The following DCDC2C variants were observed in gnomAD, a reference collection of about 807,000 sequenced individuals.
The protein encoded by DCDC2C is doublecortin domain-containing protein 2C.
A neutral mutation model predicts 45.0 loss-of-function variants in DCDC2C; 44 were observed. The ratio of observed to expected loss-of-function variants is 0.98; its 90% CI spans 0.77 to 1.26. The LOEUF (loss-of-function observed/expected upper bound fraction) is 1.26. DCDC2C is among the 50% of genes most tolerant of loss of function. The pLI, the probability that DCDC2C is intolerant of heterozygous loss-of-function variation, is 0.00. For synonymous variants in DCDC2C, 187 were observed against 178.8 expected, an observed-to-expected ratio of 1.05 and a Z score of -0.37; for missense variants, 447 against 468.9, an observed-to-expected ratio of 0.95 and a Z score of 0.43.
chr2:3,775,912 G>A (rs1670317101), intron 8 of DCDC2C, among the ~76,000 whole-genome samples: 1 of 116,738 alleles, frequency 8.6e-6, no homozygotes, highest in Non-Finnish European at 1.9e-5. Context: ...GTGGCTGTGG[G>A]CTAGGCAGCT....
chr2:3,776,109 G>C (rs1670324591), intron 8 of DCDC2C, among the ~76,000 whole-genome samples: 1 of 152,178 alleles, frequency 6.6e-6, no homozygotes, highest in African/African-American at 2.4e-5. Flanking sequence ...CCAGATGCTG[G>C]ATCCTTTCCC....
At chr2:3,796,991 TCTGGTC>T (rs1240441966) in intron 10 of DCDC2C, among the ~76,000 whole-genome samples, 1 of 152,206 alleles carries the variant, frequency 6.6e-6, no homozygotes, top group Admixed American at 6.5e-5. Flanking sequence ...TATGAATCCG[TCTGGTC>T]CTGGACTCTT....
Position 3,778,893 on chromosome 2 carries a change from A to G in DCDC2C, c.1023+9A>G. ...ATTTTGAGGGCAACAAGGTGAGTTC[A>G]TTTTATTTTGTGTTTAATGGCTTGG... On this transcript the variant is annotated intron_variant, in intron 9 of 10. Coordinates refer to ENST00000399143, the MANE Select transcript of DCDC2C (RefSeq NM_001287444.2). The G allele has an allele frequency of 6.4e-7, 1 of 1,550,502 alleles. No individual in the cohort carries two copies. The highest frequency in any genetic ancestry group is 8.7e-7 in the Non-Finnish European group (1 of 1,146,758).
At chr2:3,781,508 G>A (rs17018014) in intron 9 of DCDC2C, among the ~76,000 whole-genome samples, 38,039 of 152,084 alleles carry the variant, frequency 0.25, 5,222 homozygotes, top group East Asian at 0.58. Flanking sequence ...TGTAATCCTG[G>A]AGTAAAATGC....
chr2:3,785,822 T>C (rs980290061), intron 10 of DCDC2C, among the ~76,000 whole-genome samples: 2 of 152,094 alleles, frequency 1.3e-5, no homozygotes, highest in Non-Finnish European at 2.9e-5. Flanking sequence ...GTGATGACAC[T>C]TGGGGAGGTT....
In DCDC2C at chr2:3,748,439, CT is replaced by C. The variant is rs1330709978; in HGVS notation, c.546-4322del. On this transcript the variant is annotated intron_variant, in intron 4 of 10. Transcript: ENST00000399143. ...GGAGAAAGAGAGGAAGACTCCCAGC[CT>C]TCTGATCAGAGCAGCTGGGTGACTG... Among the ~76,000 whole-genome samples the C allele has an allele frequency of 2.0e-5, 3 of 151,748 alleles. No homozygotes were observed. The East Asian group carries it at 5.8e-4, about 29-fold the overall frequency.
intron 3 of DCDC2C, among the ~76,000 whole-genome samples, chr2:3,728,637 C>T (rs997502136): frequency 1.3e-5 from 2 of 152,152 alleles, no homozygotes; most frequent in African/African-American, 2.4e-5. Context: ...TAGATGGACC[C>T]AAATATCCAT....
chr2:3,704,301 G>A (rs1667975315), intron 1 of DCDC2C: 1 of 360,072 alleles, frequency 2.8e-6, no homozygotes, highest in Non-Finnish European at 4.9e-6. Flanking sequence ...ATTCAGGACC[G>A]CCCCAGAGAC....
intron 4 of DCDC2C, among the ~76,000 whole-genome samples, chr2:3,746,727 C>T (rs1174744446): frequency 1.3e-5 from 2 of 152,106 alleles, no homozygotes; most frequent in Non-Finnish European, 2.9e-5. Flanking sequence ...AGATGGATCC[C>T]CTAAGGGAAA....
In DCDC2C at chr2:3,703,951, C is replaced by A; in HGVS notation, c.200C>A (p.Thr67Lys). Residue 67 changes from threonine to lysine, a missense_variant, in exon 1 of 11, where the codon ACG (threonine) becomes AAG (lysine). By Grantham distance (78) the Thr-to-Lys change is moderately conservative. Coordinates refer to ENST00000399143, the MANE Select transcript of DCDC2C (RefSeq NM_001287444.2). This position sits in a 1 kb window ranked among gnomAD's most constrained non-coding sequence, Gnocchi z 4.4. ...PFGVRRLFTP[T>K]RGHRVLGLDA... ...GGCGTGCGCCGCCTCTTCACGCCCA[C>A]GCGTGGGCACCGGGTGCTGGGGCTG... 1 of 1,319,438 alleles carries A rather than the reference C, an allele frequency of 7.6e-7. No homozygotes were observed. The allele number at this position is 1,319,438 out of a possible 1,614,324, so 81.7% of individuals were successfully genotyped here.
At chr2:3,787,677 T>C (rs1419714061) in intron 10 of DCDC2C, among the ~76,000 whole-genome samples, 1 of 152,252 alleles carries the variant, frequency 6.6e-6, no homozygotes, top group Non-Finnish European at 1.5e-5. Context: ...GGTTGTAGAC[T>C]TATTAGAAAA....
In DCDC2C at chr2:3,812,641, C is replaced by T. The variant is rs1671428638; in HGVS notation, c.1065+27541C>T. On this transcript the variant is annotated intron_variant, in intron 10 of 10. Coordinates refer to ENST00000399143, the MANE Select transcript of DCDC2C (RefSeq NM_001287444.2). Reference sequence around the variant, plus strand: ...CTGCCACCTTTTGGATTAGTTTGTTCTTGCCTCTCTAGCTCTTTTAACTGT... The same window carrying T: ...CTGCCACCTTTTGGATTAGTTTGTTTTTGCCTCTCTAGCTCTTTTAACTGT... 2.0e-5 allele frequency among the ~76,000 whole-genome samples: 3 copies of T among 152,054 alleles called. No homozygotes were observed. In the South Asian group the frequency reaches 6.2e-4, roughly 32 times the overall value.
At chr2:3,845,575 C>A (rs1225920169) in intron 10 of DCDC2C, among the ~76,000 whole-genome samples, 1 of 152,216 alleles carries the variant, frequency 6.6e-6, no homozygotes, top group Non-Finnish European at 1.5e-5. Context: ...ACACTCGTAA[C>A]ACTTTAAGGG....
At chr2:3,718,413 TCTC>T in intron 2 of DCDC2C, among the ~76,000 whole-genome samples, 1 of 152,112 alleles carries the variant, frequency 6.6e-6, no homozygotes, top group East Asian at 1.9e-4. Flanking sequence ...GAGCATCAGT[TCTC>T]CTTATATTTT....
In DCDC2C at chr2:3,741,998, C is replaced by T. The variant is rs1417282082; in HGVS notation, c.495C>T (p.Ile165=). The T allele has an allele frequency of 7.1e-6, 11 of 1,548,478 alleles. No individual in the cohort carries two copies. The highest frequency in any genetic ancestry group is 4.9e-5 in the East Asian group (2 of 40,880). ...AATTTAGTCTGTCCGATTGGGACAT[C>T]GTGCTGGCCACGATCGGAGAAAAAG... ...IPKFSLSDWD[I]VLATIGEKVF... Residue 165 remains isoleucine, a synonymous_variant, in exon 4 of 11, where the codon ATC becomes ATT. Transcript: ENST00000399143.
chr2:3,772,414 CTT>C (rs1356705965), intron 8 of DCDC2C, among the ~76,000 whole-genome samples: 2 of 152,184 alleles, frequency 1.3e-5, no homozygotes, highest in Admixed American at 6.5e-5. Flanking sequence ...ATAAATAAGA[CTT>C]TGACTCCGCA....
intron 5 of DCDC2C, 85 bp downstream of exon 5, chr2:3,752,985 C>T: frequency 7.3e-7 from 1 of 1,365,946 alleles, no homozygotes; most frequent in Non-Finnish European, 9.9e-7. Context: ...AGGTCCAGTT[C>T]AGCTATTGGT....
intron 3 of DCDC2C, among the ~76,000 whole-genome samples, chr2:3,728,156 G>A (rs145412677): frequency 1.3e-5 from 2 of 152,300 alleles, no homozygotes; most frequent in East Asian, 3.9e-4. Context: ...GGAGGCTCAT[G>A]AGGCTGGAAA....
intron 9 of DCDC2C, among the ~76,000 whole-genome samples, chr2:3,783,274 T>A (rs778367854): frequency 6.6e-6 from 1 of 152,128 alleles, no homozygotes; most frequent in Non-Finnish European, 1.5e-5. Context: ...GGTTATGATT[T>A]TCTCTTCCTC....
Sources: allele counts gnomAD v4.1 joint callset (sites outside exome capture counted in the v4.1 genomes callset), GRCh38; gene constraint gnomAD v4.1.1; non-coding constraint Gnocchi (gnomAD v3.1); transcripts MANE v1.5; gene names NCBI Gene and HGNC (gene_info 2026-07-23, HGNC 2026-07-21).